Variants in PPFIBP1 observed in about 807,000 individuals in gnomAD.
The protein encoded by PPFIBP1 is PPFIB scaffold protein 1, also known as liprin-beta-1.
Under a neutral mutation model 137.8 loss-of-function variants are expected in PPFIBP1, and 112 were observed. That is an observed-to-expected ratio of 0.81 (90% CI 0.70 to 0.95). PPFIBP1 has a LOEUF of 0.95. Ranked by LOEUF, PPFIBP1 falls within the 40% of genes least tolerant of loss-of-function variation. The pLI, the probability that PPFIBP1 is intolerant of heterozygous loss-of-function variation, is 0.00. For synonymous variants in PPFIBP1, 378 were observed against 417.3 expected (o/e 0.91, Z 1.15); for missense variants, 1,083 against 1,196.6 (o/e 0.91, Z 1.40).
intron 2 of PPFIBP1, among the ~76,000 whole-genome samples, chr12:27,617,244 G>T (rs528751911): frequency 6.6e-6 from 1 of 152,256 alleles, no homozygotes; most frequent in East Asian, 1.9e-4. Flanking sequence ...TAAGTAGAAT[G>T]TATACCCCGA....
chr12:27,646,011 T>C (rs1388269515), intron 4 of PPFIBP1, 51 bp from the exon 5 acceptor site: 5 of 1,306,512 alleles, frequency 3.8e-6, no homozygotes, highest in African/African-American at 2.9e-5. Context: ...TTATCTACGA[T>C]ATATCATTCT....
chr12:27,546,814 G>A (rs1946281080), intron 1 of PPFIBP1, among the ~76,000 whole-genome samples: 1 of 152,072 alleles, frequency 6.6e-6, no homozygotes, highest in Non-Finnish European at 1.5e-5. Flanking sequence ...AGGAGTTCGA[G>A]ACCAGCCTGG....
intron 20 of PPFIBP1, 93 bp downstream of exon 20, chr12:27,679,732 A>G: frequency 6.9e-7 from 1 of 1,455,474 alleles, no homozygotes; most frequent in African/African-American, 1.4e-5. Flanking sequence ...AGGCCTTTGT[A>G]TTCCTCTTAT....
At chr12:27,678,528 A>G (rs2060659459) in intron 19 of PPFIBP1, among the ~76,000 whole-genome samples, 2 of 152,210 alleles carry the variant, frequency 1.3e-5, no homozygotes, top group African/African-American at 4.8e-5. Context: ...TAACAGGGAC[A>G]GTATTAATTA....
At chr12:27,526,558 G>T (rs1309261083) in intron 1 of PPFIBP1, among the ~76,000 whole-genome samples, 1 of 152,166 alleles carries the variant, frequency 6.6e-6, no homozygotes, top group Non-Finnish European at 1.5e-5. Flanking sequence ...GGTCGGCCAG[G>T]CTTGGTGGCT....
intron 19 of PPFIBP1, 51 bp downstream of exon 19, chr12:27,677,147 T>C (rs775449312): frequency 1.2e-6 from 2 of 1,604,244 alleles, no homozygotes; most frequent in South Asian, 1.1e-5. Flanking sequence ...TCCAAACCAA[T>C]CTAATCCCTG....
At chr12:27,658,768 T>C in intron 9 of PPFIBP1, 48 bp from the exon 10 acceptor site, 1 of 1,542,652 alleles carries the variant, frequency 6.5e-7, no homozygotes, top group South Asian at 1.1e-5. Flanking sequence ...ATATTACTTA[T>C]TGTTGTAATG....
chr12:27,560,415 A>T (rs934395408), intron 1 of PPFIBP1, among the ~76,000 whole-genome samples: 13 of 152,356 alleles, frequency 8.5e-5, no homozygotes, highest in South Asian at 2.1e-4. Flanking sequence ...ATTAAATTAG[A>T]TGGGACTAGT....
rs141422473 is a variant in PPFIBP1 at position 27,691,607 on chromosome 12, T to G, written c.2686-142T>G. 639 of 565,828 alleles carry G rather than the reference T, an allele frequency of 1.1e-3. 2 individuals are homozygous for G. The highest frequency in any genetic ancestry group is 0.011 in the African/African-American group (592 of 53,058). The allele number at this position is 565,828 out of a possible 1,614,324, so 35.1% of individuals were successfully genotyped here. ...TCCATATTTAAACATCCAGCTACTT[T>G]TCTCTCTACCATGGGGTAAATAATT... On this transcript the variant is annotated intron_variant, in intron 27 of 29. Transcript: ENST00000228425.
chr12:27,663,568 T>C (rs1024865891), intron 11 of PPFIBP1, among the ~76,000 whole-genome samples: 3 of 152,166 alleles, frequency 2.0e-5, no homozygotes, highest in Non-Finnish European at 4.4e-5. Context: ...GGGCCGGGCA[T>C]GGTGGCTCAC....
intron 1 of PPFIBP1, among the ~76,000 whole-genome samples, chr12:27,544,382 T>C (rs1592353747): frequency 6.6e-6 from 1 of 152,150 alleles, no homozygotes; most frequent in Admixed American, 6.5e-5. Context: ...AAAGCCAAAA[T>C]TGACAAATGG....
At chr12:27,688,266 A>G in intron 25 of PPFIBP1, 32 bp from the exon 26 acceptor site, 2 of 1,607,186 alleles carry the variant, frequency 1.2e-6, no homozygotes. Flanking sequence ...ATGCAATTTA[A>G]TATTTAGGAT....
At position 27,611,797 on chromosome 12, in the gene PPFIBP1, TC is replaced by T. The variant is rs1355704337; in HGVS notation, c.-35-21564del. On this transcript the variant is annotated intron_variant, in intron 2 of 29. Coordinates refer to ENST00000228425, the MANE Select transcript of PPFIBP1 (RefSeq NM_003622.4). ...CAGTCAACACTGTGCTCTCTCTCTC[TC>T]TCTCTCTCTCTCTCTCTCTCATTTG... Among the ~76,000 whole-genome samples, 915 of 151,998 alleles carry T rather than the reference TC, an allele frequency of 6.0e-3. 10 individuals carry two copies. The highest frequency in any genetic ancestry group is 0.021 in the African/African-American group (864 of 41,422).
intron 1 of PPFIBP1, among the ~76,000 whole-genome samples, chr12:27,566,326 C>G (rs1358719040): frequency 2.0e-5 from 3 of 152,208 alleles, no homozygotes; most frequent in Non-Finnish European, 2.9e-5. Flanking sequence ...AATGCTTCTT[C>G]CACAGAAGAT....
At position 27,635,094 on chromosome 12, in the gene PPFIBP1, T is replaced by G; in HGVS notation, c.249T>G (p.Val83=). Residue 83 remains valine, a synonymous_variant, in exon 4 of 30, where the codon GTT becomes GTG. Transcript: ENST00000228425. ...CAGATTCAACAGCAGAAACGCTTGT[T>G]GAATGGCTTCAGAGTCAAATGGTAG... ...QIPDSTAETL[V]EWLQSQMTNG... The G allele has an allele frequency of 6.2e-7, 1 of 1,614,202 alleles. No individual in the cohort carries two copies. The highest frequency in any genetic ancestry group is 8.5e-7 in the Non-Finnish European group (1 of 1,179,998).
chr12:27,681,960 C>T (rs777745246), intron 22 of PPFIBP1, among the ~76,000 whole-genome samples: 6 of 150,024 alleles, frequency 4.0e-5, no homozygotes, highest in South Asian at 4.2e-4. Flanking sequence ...TCATATTTCT[C>T]GAAATCATTG....
At chr12:27,640,355 T>A (rs2058027226) in intron 4 of PPFIBP1, among the ~76,000 whole-genome samples, 1 of 152,196 alleles carries the variant, frequency 6.6e-6, no homozygotes. Context: ...GAAGAGAGAT[T>A]CCTCCTCTAG....
chr12:27,555,563 CT>C (rs558916229), intron 1 of PPFIBP1, among the ~76,000 whole-genome samples: 139 of 152,294 alleles, frequency 9.1e-4, no homozygotes, highest in Non-Finnish European at 1.7e-3. Flanking sequence ...AGAAATTGTG[CT>C]TTTCTTTGGA....
chr12:27,651,602 GTAAA>G (rs1379183098), intron 7 of PPFIBP1, among the ~76,000 whole-genome samples: 3 of 152,098 alleles, frequency 2.0e-5, no homozygotes, highest in Non-Finnish European at 2.9e-5. Context: ...TAGTCGCAGG[GTAAA>G]GTAATAGTAA....
Sources: allele counts gnomAD v4.1 joint callset (sites outside exome capture counted in the v4.1 genomes callset), GRCh38; gene constraint gnomAD v4.1.1; transcripts MANE v1.5; gene names NCBI Gene and HGNC (gene_info 2026-07-23, HGNC 2026-07-21).